CTNNA3: variants seen among roughly 807,000 people sequenced by gnomAD.
CTNNA3 encodes catenin alpha-3.
CTNNA3 carries 76 observed loss-of-function variants against 95.7 expected under a neutral mutation model. The observed-to-expected ratio is 0.79, with a 90% confidence interval of 0.66 to 0.96. The LOEUF (loss-of-function observed/expected upper bound fraction) is 0.96, where lower values mean the gene tolerates loss of function less well. CTNNA3 is among the 40% of genes least tolerant of loss of function. The probability of loss-of-function intolerance (pLI) is 0.00; values close to 1 mark genes in which losing one functional copy is unlikely to be tolerated. For synonymous variants in CTNNA3, 431 were observed against 374.4 expected (o/e 1.15, Z -1.74); for missense variants, 1,191 against 1,089.8 (o/e 1.09, Z -1.31).
intron 7 of CTNNA3, among the ~76,000 whole-genome samples, chr10:66,845,579 T>C (rs543513788): frequency 6.6e-6 from 1 of 151,356 alleles, no homozygotes; most frequent in Non-Finnish European, 1.5e-5. Flanking sequence ...GACAGGCGCC[T>C]GTAATCCCAG....
At chr10:66,613,282 G>T (rs1442569798) in intron 10 of CTNNA3, among the ~76,000 whole-genome samples, 2 of 151,934 alleles carry the variant, frequency 1.3e-5, no homozygotes, top group Non-Finnish European at 2.9e-5. Context: ...CACCACCTCC[G>T]ATTTTCCTTC....
intron 9 of CTNNA3, among the ~76,000 whole-genome samples, chr10:66,680,521 C>A (rs192821827): frequency 2.8e-4 from 43 of 152,258 alleles, no homozygotes; most frequent in Non-Finnish European, 5.1e-4. Context: ...TATGAATGAA[C>A]AGCAACATTT....
At chr10:66,850,083 A>T (rs1463323743) in intron 7 of CTNNA3, among the ~76,000 whole-genome samples, 1 of 152,216 alleles carries the variant, frequency 6.6e-6, no homozygotes, top group Non-Finnish European at 1.5e-5. Context: ...AAATGCATTT[A>T]GCTACTATTC....
At chr10:67,125,228 A>G (rs1332073422) in intron 7 of CTNNA3, among the ~76,000 whole-genome samples, 1 of 152,206 alleles carries the variant, frequency 6.6e-6, no homozygotes, top group Non-Finnish European at 1.5e-5. Flanking sequence ...TGAAAGTCCT[A>G]TGACATTAGC....
intron 7 of CTNNA3, among the ~76,000 whole-genome samples, chr10:67,003,261 C>T (rs1851785027): frequency 6.6e-6 from 1 of 152,178 alleles, no homozygotes; most frequent in Non-Finnish European, 1.5e-5. Flanking sequence ...ATGTCCATGA[C>T]TTCCTGACCA....
intron 2 of CTNNA3, among the ~76,000 whole-genome samples, chr10:67,644,793 T>G (rs978508370): frequency 6.8e-6 from 1 of 148,028 alleles, no homozygotes. Flanking sequence ...ACTTGAGTAT[T>G]GCTAAGACCA....
intron 1 of CTNNA3, among the ~76,000 whole-genome samples, chr10:67,668,169 A>G (rs1840364294): frequency 6.6e-6 from 1 of 152,108 alleles, no homozygotes; most frequent in Non-Finnish European, 1.5e-5. Context: ...TATTAGCCTC[A>G]ATTCTATTTG....
intron 10 of CTNNA3, among the ~76,000 whole-genome samples, chr10:66,558,617 C>A (rs1308920815): frequency 6.6e-6 from 1 of 152,068 alleles, no homozygotes; most frequent in Non-Finnish European, 1.5e-5. Context: ...TTTTTCACAC[C>A]TTGTGGGTGT....
chr10:67,287,500 G>A (rs1195693742), intron 5 of CTNNA3, among the ~76,000 whole-genome samples: 1 of 152,012 alleles, frequency 6.6e-6, no homozygotes, highest in Non-Finnish European at 1.5e-5. Flanking sequence ...TGGAACTATT[G>A]TGTATGTTCA....
chr10:66,776,296 C>T (rs1463798672), intron 7 of CTNNA3, among the ~76,000 whole-genome samples: 3 of 152,066 alleles, frequency 2.0e-5, no homozygotes, highest in Admixed American at 6.6e-5. Flanking sequence ...ATGTGATTCA[C>T]CTCTAGGAAA....
intron 1 of CTNNA3, among the ~76,000 whole-genome samples, chr10:67,659,018 T>A (rs1840104761): frequency 1.3e-5 from 2 of 151,980 alleles, no homozygotes; most frequent in Admixed American, 1.3e-4. Context: ...ACAAAATTAA[T>A]TAAATTAAAA....
At chr10:66,973,616 TA>T (rs1172131352) in intron 7 of CTNNA3, among the ~76,000 whole-genome samples, 1 of 152,198 alleles carries the variant, frequency 6.6e-6, no homozygotes, top group Non-Finnish European at 1.5e-5. Context: ...ATAATTTTGT[TA>T]GACTATTAAA....
At chr10:66,153,174 T>C (rs2084295632) in intron 13 of CTNNA3, among the ~76,000 whole-genome samples, 1 of 152,016 alleles carries the variant, frequency 6.6e-6, no homozygotes. Flanking sequence ...TTCAGTTCTT[T>C]TAAAATATTT....
chr10:67,126,473 G>A (rs1347765101), intron 7 of CTNNA3, among the ~76,000 whole-genome samples: 1 of 152,198 alleles, frequency 6.6e-6, no homozygotes, highest in East Asian at 1.9e-4. Context: ...CCAAGATTGT[G>A]CCATTGCACT....
At chr10:66,920,988 T>A (rs1846755817) in intron 7 of CTNNA3, among the ~76,000 whole-genome samples, 1 of 152,234 alleles carries the variant, frequency 6.6e-6, no homozygotes, top group Non-Finnish European at 1.5e-5. Flanking sequence ...TGTCCCCTGC[T>A]AAGAGTGATC....
At chr10:67,021,184 G>T (rs1852987570) in intron 7 of CTNNA3, among the ~76,000 whole-genome samples, 1 of 152,024 alleles carries the variant, frequency 6.6e-6, no homozygotes, top group Non-Finnish European at 1.5e-5. Flanking sequence ...ATCAAGATCA[G>T]AAAAGAAGTT....
chr10:66,939,636 C>A (rs1244617483), intron 7 of CTNNA3, among the ~76,000 whole-genome samples: 1 of 152,136 alleles, frequency 6.6e-6, no homozygotes, highest in Non-Finnish European at 1.5e-5. Flanking sequence ...TAAGGTAGGG[C>A]AGACTTACAG....
At chr10:66,274,376 C>T (rs570258933) in intron 13 of CTNNA3, among the ~76,000 whole-genome samples, 1 of 152,014 alleles carries the variant, frequency 6.6e-6, no homozygotes, top group African/African-American at 2.4e-5. Context: ...GTGGATCAAA[C>T]GTGACCCAAA....
chr10:66,520,539 A>C (rs1202748778), intron 11 of CTNNA3, 78 bp downstream of exon 11: 1 of 1,315,664 alleles, frequency 7.6e-7, no homozygotes. Flanking sequence ...GGCATGAGCC[A>C]CCATGCCTGT....
Sources: allele counts gnomAD v4.1 joint callset (sites outside exome capture counted in the v4.1 genomes callset), GRCh38; gene constraint gnomAD v4.1.1; transcripts MANE v1.5; gene names NCBI Gene and HGNC (gene_info 2026-07-23, HGNC 2026-07-21).